Variants in INTS10 observed in about 807,000 individuals in gnomAD.
INTS10 encodes the protein integrator complex subunit 10, also known as chromosome 8 open reading frame 35.
INTS10 carries 44 observed loss-of-function variants against 94.4 expected under a neutral mutation model. That is an observed-to-expected ratio of 0.47 (90% confidence interval 0.37 to 0.60). The LOEUF is 0.60. Among genes scored for constraint, INTS10 ranks in the 20% least tolerant of loss-of-function variants. INTS10 has a pLI of 0.00. For missense variants in INTS10, 797 were observed against 868.7 expected (o/e 0.92, Z 1.04); for synonymous variants, 341 against 320.7 (o/e 1.06, Z -0.68).
chr8:19,826,792 G>A (rs571580507), intron 9 of INTS10, among the ~76,000 whole-genome samples: 1 of 152,328 alleles, frequency 6.6e-6, no homozygotes, highest in East Asian at 1.9e-4. Context: ...GGAGGGGCCA[G>A]GGTTGCTGCT....
Position 19,843,708 on chromosome 8 carries a change from C to A in INTS10, c.1720-368C>A, listed in dbSNP as rs926390766. Among the ~76,000 whole-genome samples the A allele has an allele frequency of 6.6e-6, 1 of 152,220 alleles. No individual in the cohort carries two copies. The highest frequency in any genetic ancestry group is 1.5e-5 in the Non-Finnish European group (1 of 68,042). On this transcript the variant is annotated intron_variant, in intron 14 of 16. Coordinates refer to ENST00000397977, the MANE Select transcript of INTS10 (RefSeq NM_018142.4). The surrounding 1 kb of genome is among the most constrained non-coding windows in gnomAD (Gnocchi z 4.7). ...TCCTGGATGGCCTCTTGCCCACCTA[C>A]TCCCATCTGCTCCCTTTCAAAGAAA...
chr8:19,829,628 T>A lies in INTS10; in HGVS notation c.1141-778T>A, dbSNP rs998504157. 2.0e-5 allele frequency among the ~76,000 whole-genome samples: 3 copies of A among 152,166 alleles called. No homozygotes were observed. In the South Asian group the frequency reaches 6.2e-4, roughly 32 times the overall value. ...TCATGCGCAGTGAACCAAAGATAAC[T>A]AACAGTTATTCTCTGACATTATTTC... On this transcript the variant is annotated intron_variant, in intron 9 of 16. Coordinates refer to ENST00000397977, the MANE Select transcript of INTS10 (RefSeq NM_018142.4).
At position 19,844,111 on chromosome 8, in the gene INTS10, A is replaced by G. The variant is rs774041077; in HGVS notation, c.1755A>G (p.Ala585=). The part of the protein sequence containing the change: ...RAFTDNRDDM[A]LGHVIVLLQQ... ...TCACAGACAACAGAGACGACATGGC[A>G]TTGGGGCATGTGATTGTGTTGCTTC... Residue 585 remains alanine, a synonymous_variant, in exon 15 of 17, where the codon GCA becomes GCG. Coordinates refer to ENST00000397977, the MANE Select transcript of INTS10 (RefSeq NM_018142.4). 11 of 1,613,476 alleles carry G rather than the reference A, an allele frequency of 6.8e-6. No individual in the cohort carries two copies. The highest frequency in any genetic ancestry group is 7.6e-6 in the Non-Finnish European group (9 of 1,179,636).
chr8:19,817,483 T>C lies in INTS10; in HGVS notation c.-55T>C. 6.4e-6 allele frequency: 10 copies of C among 1,573,994 alleles called. No homozygotes were observed. The highest frequency in any genetic ancestry group is 7.7e-6 in the Non-Finnish European group (9 of 1,163,492). On this transcript the variant is annotated 5_prime_UTR_variant, in exon 1 of 17. Transcript: ENST00000397977. ...CGGTGGCTGCCGTGGCGGCTGAGAG[T>C]CCAGAGCCGGACGTTCCGGCCGCTT...
intron 16 of INTS10, 114 bp downstream of exon 16, chr8:19,845,911 C>T: frequency 1.5e-6 from 1 of 667,582 alleles, no homozygotes; most frequent in Non-Finnish European, 2.6e-6. Flanking sequence ...GACTTTAAAC[C>T]TGGTCTCTGT....
intron 12 of INTS10, among the ~76,000 whole-genome samples, chr8:19,834,102 G>A (rs1377881971): frequency 1.3e-5 from 2 of 152,076 alleles, no homozygotes; most frequent in East Asian, 1.9e-4. Flanking sequence ...CTACTACAGG[G>A]TGGGGACTAT....
intron 9 of INTS10, among the ~76,000 whole-genome samples, chr8:19,829,278 T>C (rs2067048324): frequency 6.6e-6 from 1 of 152,204 alleles, no homozygotes; most frequent in Non-Finnish European, 1.5e-5. Context: ...ATTTGGGTTA[T>C]TAAATCAGTA....
chr8:19,852,038 T>C lies in INTS10; in HGVS notation c.*233T>C. The C allele has an allele frequency of 5.8e-6, 2 of 345,374 alleles. No individual in the cohort carries two copies. The highest frequency in any genetic ancestry group is 1.0e-5 in the Non-Finnish European group (2 of 191,302). 21.4% of individuals were successfully genotyped at this position (345,374 alleles called of 1,614,324 possible). ...TGTAAAACAAAAGTACCAATCTGTT[T>C]TGTAAATAAAAATCATCCTAAAATT... On this transcript the variant is annotated 3_prime_UTR_variant, in exon 17 of 17. Transcript: ENST00000397977.
At chr8:19,841,188 A>G (rs1285114830) in intron 13 of INTS10, among the ~76,000 whole-genome samples, 3 of 152,208 alleles carry the variant, frequency 2.0e-5, no homozygotes, top group Non-Finnish European at 4.4e-5. Flanking sequence ...AAAAACGACA[A>G]TAAAAAAATG....
chr8:19,817,709 C>G, intron 1 of INTS10, 43 bp downstream of exon 1: 1 of 1,575,690 alleles, frequency 6.3e-7, no homozygotes, highest in Non-Finnish European at 8.6e-7. Flanking sequence ...CGTGGAGGTG[C>G]GCGCTCCCGT....
intron 13 of INTS10, among the ~76,000 whole-genome samples, chr8:19,837,801 T>G (rs1435802534): frequency 6.6e-6 from 1 of 152,020 alleles, no homozygotes; most frequent in East Asian, 1.9e-4. Context: ...TAGAGAACAT[T>G]AATAAAACTG....
chr8:19,831,614 C>T (rs550794061), intron 10 of INTS10, among the ~76,000 whole-genome samples: 19 of 152,206 alleles, frequency 1.2e-4, no homozygotes, highest in East Asian at 7.7e-4. Context: ...TGCTTGAGGC[C>T]GGAAGGTTGA....
At chr8:19,818,608 A>C in intron 2 of INTS10, 1 of 476,140 alleles carries the variant, frequency 2.1e-6, no homozygotes, top group South Asian at 2.4e-5. Context: ...TCATTACAAA[A>C]ATTCAAACAC....
chr8:19,828,684 G>A (rs1176881318), intron 9 of INTS10, among the ~76,000 whole-genome samples: 1 of 151,848 alleles, frequency 6.6e-6, no homozygotes. Context: ...GCAAAGAACA[G>A]GCCCCTGATG....
intron 8 of INTS10, 88 bp downstream of exon 8, chr8:19,825,060 GGATCCGAATAA>G: frequency 8.8e-7 from 1 of 1,132,214 alleles, no homozygotes; most frequent in Admixed American, 2.0e-5. Flanking sequence ...CAGTATTGCT[GGATCCGAATAA>G]CTGTGGGGCA....
At position 19,826,484 on chromosome 8, in the gene INTS10, TG is replaced by T; in HGVS notation, c.1067del (p.Gly356ValfsTer3). 6.2e-7 allele frequency: 1 copy of T among 1,613,202 alleles called. No homozygotes were observed. Among genetic ancestry groups the T allele is most frequent in the Non-Finnish European group, 8.5e-7 (1 of 1,179,720 alleles). Reference sequence around the variant, plus strand: ...TTCTTGAAGATGTATCGAATGTGTATGGTGATGTAGAAATTGATCGTAATAA... The same window carrying T: ...TTCTTGAAGATGTATCGAATGTGTATGTGATGTAGAAATTGATCGTAATAA... ...VLLEDVSNVY[G>X]DVEIDRNKHI... is the part of the protein sequence containing the mutation. On this transcript the variant is annotated frameshift_variant, in exon 9 of 17. Coordinates refer to ENST00000397977, the MANE Select transcript of INTS10 (RefSeq NM_018142.4). LOFTEE classifies it high-confidence loss of function.
intron 13 of INTS10, among the ~76,000 whole-genome samples, chr8:19,838,135 C>G (rs1265434304): frequency 6.6e-6 from 1 of 152,098 alleles, no homozygotes; most frequent in Admixed American, 6.5e-5. Flanking sequence ...GATGGCAGAT[C>G]GTTTGAGCCT....
chr8:19,830,491 T>C lies in INTS10; in HGVS notation c.1226T>C (p.Val409Ala), dbSNP rs2067145374. 2 of 1,613,928 alleles carry C rather than the reference T, an allele frequency of 1.2e-6. No individual in the cohort carries two copies. The highest frequency in any genetic ancestry group is 4.5e-5 in the East Asian group (2 of 44,884). ...GCCGAACTTGCTAACTCCACTGAAG[T>C]GTTAGAAAGCTTTAAATTGGCCAGG... ...NKAELANSTE[V>A]LESFKLARES... Residue 409 changes from valine (V) to alanine (A), a missense_variant, in exon 10 of 17, where the codon GTG becomes GCG. Transcript: ENST00000397977.
rs1160611349 is a variant in INTS10, at chr8:19,826,483, A to G, written c.1064A>G (p.Tyr355Cys). ...CTTCTTGAAGATGTATCGAATGTGT[A>G]TGGTGATGTAGAAATTGATCGTAAT... ...LVLLEDVSNV[Y>C]GDVEIDRNKH... Residue 355 changes from tyrosine (Y) to cysteine (C), a missense_variant, in exon 9 of 17, where the codon TAT becomes TGT. Tyr to Cys is a radical substitution (Grantham distance 194). Around this residue, in one of 3 missense-constraint regions of INTS10, gnomAD observed 734 missense variants for 787.8 expected, o/e 0.93. Coordinates refer to ENST00000397977, the MANE Select transcript of INTS10 (RefSeq NM_018142.4). 5 of 1,613,072 alleles carry G rather than the reference A, an allele frequency of 3.1e-6. No individual in the cohort carries two copies. Among genetic ancestry groups the G allele is most frequent in the Non-Finnish European group, 4.2e-6 (5 of 1,179,706 alleles).
Sources: allele counts gnomAD v4.1 joint callset (sites outside exome capture counted in the v4.1 genomes callset), GRCh38; gene constraint gnomAD v4.1.1; regional missense constraint gnomAD v4.1.1; non-coding constraint Gnocchi (gnomAD v3.1); transcripts MANE v1.5; gene names NCBI Gene and HGNC (gene_info 2026-07-23, HGNC 2026-07-21).